TYW1: variants seen among roughly 807,000 people sequenced by gnomAD.
TYW1 encodes tRNA-yW synthesizing protein 1 homolog.
A neutral mutation model predicts 96.2 loss-of-function variants in TYW1; 46 were observed. The ratio of observed to expected loss-of-function variants is 0.48; its 90% CI spans 0.38 to 0.61. TYW1 has a LOEUF of 0.61. TYW1 is among the 20% of genes least tolerant of loss of function. The pLI is 0.00. For missense variants in TYW1, 684 were observed against 909.6 expected, an observed-to-expected ratio of 0.75 and a Z score of 3.19; for synonymous variants, 274 against 323.0, an observed-to-expected ratio of 0.85 and a Z score of 1.63.
chr7:67,025,330 G>A (rs1259623528), intron 7 of TYW1, among the ~76,000 whole-genome samples: 2 of 151,070 alleles, frequency 1.3e-5, no homozygotes, highest in Admixed American at 6.6e-5. Flanking sequence ...AATGTCTTGG[G>A]CTACACATAA....
chr7:67,203,730 G>A (rs4103731), intron 15 of TYW1, among the ~76,000 whole-genome samples: 38,157 of 151,968 alleles, frequency 0.25, 4,982 homozygotes, highest in African/African-American at 0.3. Context: ...TCTGTTGTTC[G>A]TTCTTTCTTC....
chr7:67,161,707 A>G (rs1799167667), intron 13 of TYW1, among the ~76,000 whole-genome samples: 1 of 152,200 alleles, frequency 6.6e-6, no homozygotes. Flanking sequence ...TGCACATTAG[A>G]TAAAGAAGGA....
intron 4 of TYW1, among the ~76,000 whole-genome samples, chr7:67,010,244 G>A (rs989684175): frequency 1.3e-5 from 2 of 151,892 alleles, no homozygotes; most frequent in Admixed American, 6.6e-5. Flanking sequence ...TGATCTGCCC[G>A]CCTTGGCCTC....
chr7:67,166,851 T>C (rs11766203), intron 13 of TYW1, among the ~76,000 whole-genome samples: 42,391 of 151,850 alleles, frequency 0.28, 6,454 homozygotes, highest in African/African-American at 0.4. Flanking sequence ...TTGATATACA[T>C]GTGGGCTAAC....
intron 15 of TYW1, among the ~76,000 whole-genome samples, chr7:67,229,665 A>G (rs532437584): frequency 6.6e-5 from 10 of 151,104 alleles, no homozygotes; most frequent in African/African-American, 2.4e-4. Flanking sequence ...AAAAAAAACA[A>G]TGCTCTGGCC....
At chr7:67,116,324 CA>C (rs58820405) in intron 12 of TYW1, among the ~76,000 whole-genome samples, 89 of 112,522 alleles carry the variant, frequency 7.9e-4, no homozygotes, top group African/African-American at 8.3e-4. Flanking sequence ...GAATCCATCT[CA>C]AAAAAAAAAA....
chr7:67,017,596 A>T (rs1483869570), intron 5 of TYW1, among the ~76,000 whole-genome samples: 1 of 151,842 alleles, frequency 6.6e-6, no homozygotes, highest in East Asian at 1.9e-4. Flanking sequence ...TTAATCCTTC[A>T]TTTGATAAAG....
intron 15 of TYW1, among the ~76,000 whole-genome samples, chr7:67,195,678 C>T (rs1286745024): frequency 6.6e-6 from 1 of 152,068 alleles, no homozygotes; most frequent in East Asian, 1.9e-4. Context: ...GTAAATAGTC[C>T]CCATATGAGT....
chr7:67,220,146 G>A (rs13228872), intron 15 of TYW1, among the ~76,000 whole-genome samples: 37,322 of 144,942 alleles, frequency 0.26, 5,115 homozygotes, highest in African/African-American at 0.34. Flanking sequence ...ATATTTAGGG[G>A]TGTGTTGCTT....
intron 2 of TYW1, among the ~76,000 whole-genome samples, chr7:66,998,562 A>G (rs1041040811): frequency 2.6e-5 from 4 of 152,226 alleles, no homozygotes; most frequent in African/African-American, 4.8e-5. Flanking sequence ...CTTATAGGAT[A>G]AAAGTATGTA....
At chr7:67,049,505 G>A (rs1357510767) in intron 7 of TYW1, among the ~76,000 whole-genome samples, 1 of 151,932 alleles carries the variant, frequency 6.6e-6, no homozygotes, top group African/African-American at 2.4e-5. Flanking sequence ...TGTGGGCCAT[G>A]GTTCATAACA....
At chr7:67,111,609 T>TA (rs1422783214) in intron 12 of TYW1, among the ~76,000 whole-genome samples, 1 of 152,120 alleles carries the variant, frequency 6.6e-6, no homozygotes, top group Non-Finnish European at 1.5e-5. Flanking sequence ...TGCCAACATA[T>TA]TTATAAAGGG....
At chr7:67,160,696 A>G (rs565088717) in intron 13 of TYW1, among the ~76,000 whole-genome samples, 5 of 150,456 alleles carry the variant, frequency 3.3e-5, no homozygotes, top group East Asian at 3.9e-4. Context: ...GGTTCAAGCA[A>G]TTCTCCTGCC....
At chr7:67,111,295 C>G (rs1331727327) in intron 12 of TYW1, among the ~76,000 whole-genome samples, 3 of 152,078 alleles carry the variant, frequency 2.0e-5, no homozygotes, top group African/African-American at 7.2e-5. Flanking sequence ...CCTCCGCCTC[C>G]CGGGTTCAAG....
At chr7:67,161,744 C>T (rs1341138633) in intron 13 of TYW1, among the ~76,000 whole-genome samples, 2 of 152,088 alleles carry the variant, frequency 1.3e-5, no homozygotes, top group Non-Finnish European at 2.9e-5. Flanking sequence ...TAATTTTTGG[C>T]ATCCTAATGT....
chr7:67,139,409 T>C (rs1798370661), intron 13 of TYW1, among the ~76,000 whole-genome samples: 1 of 152,200 alleles, frequency 6.6e-6, no homozygotes, highest in South Asian at 2.1e-4. Context: ...TTTGTAATCC[T>C]TGAAACAAAA....
intron 15 of TYW1, among the ~76,000 whole-genome samples, chr7:67,212,555 T>C (rs1801067348): frequency 6.6e-6 from 1 of 152,246 alleles, no homozygotes. Flanking sequence ...ATGTTAAGTG[T>C]TGTAAAAAAC....
intron 7 of TYW1, among the ~76,000 whole-genome samples, chr7:67,047,223 C>T (rs1038964549): frequency 1.9e-4 from 29 of 152,064 alleles, no homozygotes; most frequent in African/African-American, 7.0e-4. Context: ...TTTTGCTTCA[C>T]CACAAGACTT....
chr7:67,097,348 C>T (rs1249974163), intron 11 of TYW1, among the ~76,000 whole-genome samples: 1 of 152,214 alleles, frequency 6.6e-6, no homozygotes, highest in Non-Finnish European at 1.5e-5. Context: ...ATTGCCCAGC[C>T]TTGCACCCAC....
Sources: gnomAD v4.1 joint callset for allele counts (sites outside exome capture counted in the v4.1 genomes callset) on GRCh38, gnomAD v4.1.1 for gene constraint, MANE v1.5 for transcripts, NCBI Gene and HGNC (gene_info 2026-07-23, HGNC 2026-07-21) for gene names.